CPSF3: variants seen among roughly 807,000 people sequenced by gnomAD.
CPSF3 encodes the protein cleavage and polyadenylation specific factor 3.
Under a neutral mutation model 84.1 loss-of-function variants are expected in CPSF3, and 57 were observed. That is an observed-to-expected ratio of 0.68 (90% CI 0.55 to 0.85). The LOEUF (loss-of-function observed/expected upper bound fraction) is 0.85. Among genes scored for constraint, CPSF3 ranks in the 40% least tolerant of loss-of-function variants. The pLI is 0.00. For missense variants in CPSF3, 522 were observed against 838.8 expected (o/e 0.62, Z 4.66); for synonymous variants, 275 against 278.1 (o/e 0.99, Z 0.11).
chr2:9,459,638 CTTTTTTTTTTTTTTTTT>C lies in CPSF3; in HGVS notation c.1786+32_1786+48del, dbSNP rs543727439. ...GAAAAGGTAAGAGTTCATTTTTATC[CTTTTTTTTTTTTTTTTT>C]TTTTTTTTTTTGGAGACGGATACTA... is the stretch of plus-strand genomic sequence containing the variant. On this transcript the variant is annotated intron_variant, in intron 15 of 17. Transcript: ENST00000238112. 1,922 of 310,492 alleles carry C rather than the reference CTTTTTTTTTTTTTTTTT, an allele frequency of 6.2e-3. 22 individuals carry two copies. The highest frequency in any genetic ancestry group is 9.2e-3 in the Non-Finnish European group (1,680 of 181,686). The allele number at this position is 310,492 out of a possible 1,614,324, so 19.2% of individuals were successfully genotyped here.
At position 9,452,879 on chromosome 2, in the gene CPSF3, G is replaced by A. The variant is rs1279084402; in HGVS notation, c.1396-34G>A. 1.2e-5 allele frequency: 17 copies of A among 1,422,742 alleles called. No individual in the cohort carries two copies. The African/African-American group carries it at 1.7e-4, about 14-fold the overall frequency. 88.1% of individuals were successfully genotyped at this position (1,422,742 alleles called of 1,614,324 possible). ...TTACCTGAAAAACTGCATTTTACCA[G>A]GTTCTATTTTCTTCAAGTATTTTTT... On this transcript the variant is annotated intron_variant, in intron 11 of 17. Transcript: ENST00000238112.
chr2:9,429,598 A>G (rs1444858585), intron 2 of CPSF3, among the ~76,000 whole-genome samples: 3 of 152,296 alleles, frequency 2.0e-5, no homozygotes, highest in Admixed American at 6.5e-5. Context: ...GTAAATCTAT[A>G]AACTTTTAAA....
intron 15 of CPSF3, among the ~76,000 whole-genome samples, chr2:9,463,220 A>G (rs985682437): frequency 1.4e-4 from 22 of 152,202 alleles, no homozygotes; most frequent in African/African-American, 5.3e-4. Context: ...AAATGAGGCT[A>G]TGCTGCAGAG....
At chr2:9,433,365 C>G (rs768062940) in intron 5 of CPSF3, among the ~76,000 whole-genome samples, 6 of 152,228 alleles carry the variant, frequency 3.9e-5, no homozygotes, top group Admixed American at 6.5e-5. Context: ...AAATTTTTCA[C>G]AGCTGCTTAT....
At chr2:9,449,036 A>C (rs1166844005) in intron 11 of CPSF3, among the ~76,000 whole-genome samples, 1 of 152,082 alleles carries the variant, frequency 6.6e-6, no homozygotes, top group Non-Finnish European at 1.5e-5. Context: ...ATATCTCTAA[A>C]CATATATGTT....
chr2:9,428,262 G>T (rs1418527316), intron 1 of CPSF3, among the ~76,000 whole-genome samples: 1 of 151,878 alleles, frequency 6.6e-6, no homozygotes, highest in Non-Finnish European at 1.5e-5. Flanking sequence ...CTCCCAAAGT[G>T]CTGGGATTAC....
At chr2:9,457,762 T>C (rs1681581104) in intron 14 of CPSF3, among the ~76,000 whole-genome samples, 1 of 152,058 alleles carries the variant, frequency 6.6e-6, no homozygotes, top group Non-Finnish European at 1.5e-5. Flanking sequence ...ATTTTTTTTT[T>C]CTTTTTTTGA....
intron 15 of CPSF3, among the ~76,000 whole-genome samples, chr2:9,466,401 C>T (rs1044987772): frequency 6.7e-6 from 1 of 148,458 alleles, no homozygotes; most frequent in Non-Finnish European, 1.5e-5. Context: ...CGCACACACA[C>T]GCACGCGCAC....
intron 15 of CPSF3, among the ~76,000 whole-genome samples, chr2:9,462,462 C>T (rs1295912289): frequency 4.6e-5 from 7 of 152,148 alleles, no homozygotes; most frequent in Non-Finnish European, 8.8e-5. Flanking sequence ...CTGAGCTCTG[C>T]CAGCCTGTTT....
At chr2:9,472,858 C>A (rs1375425582) in intron 17 of CPSF3, 58 bp from the exon 18 acceptor site, 18 of 1,140,380 alleles carry the variant, frequency 1.6e-5, no homozygotes, top group Non-Finnish European at 2.2e-5. Context: ...ATTCATTTAT[C>A]TTCTATATAA....
intron 14 of CPSF3, 148 bp downstream of exon 14, chr2:9,457,175 G>GTGTA (rs751123972): frequency 8.4e-6 from 4 of 478,822 alleles, no homozygotes; most frequent in Non-Finnish European, 3.7e-6. Flanking sequence ...GTGTGTGTGT[G>GTGTA]TGTGTGTGTG....
intron 7 of CPSF3, among the ~76,000 whole-genome samples, 155 bp from the exon 8 acceptor site, chr2:9,440,336 C>T (rs995528881): frequency 1.3e-5 from 2 of 152,120 alleles, no homozygotes; most frequent in Non-Finnish European, 2.9e-5. Flanking sequence ...TTAGTTACAA[C>T]CAGGATAATT....
chr2:9,458,654 G>C (rs1057128246), intron 14 of CPSF3, among the ~76,000 whole-genome samples: 1 of 151,726 alleles, frequency 6.6e-6, no homozygotes, highest in Non-Finnish European at 1.5e-5. Context: ...AATACAGCAA[G>C]ACCCTGCCTC....
chr2:9,453,070 G>A, intron 12 of CPSF3, 49 bp downstream of exon 12: 1 of 1,111,778 alleles, frequency 9.0e-7, no homozygotes, highest in Admixed American at 2.7e-5. Context: ...AGCACTGAAA[G>A]AAAATCTATG....
rs1288216008 is a variant in CPSF3 at position 9,471,519 on chromosome 2, A to AAC, written c.1953+82_1953+83dup. ...ATAAATAATCTGTGCTCTCACACTC[A>AAC]ACAGTCTACTGTTGCATATTGGCAT... On this transcript the variant is annotated intron_variant, in intron 17 of 17. Coordinates refer to ENST00000238112, the MANE Select transcript of CPSF3 (RefSeq NM_016207.4). 9 of 853,384 alleles carry AAC rather than the reference A, an allele frequency of 1.1e-5. No individual in the cohort carries two copies. In the African/African-American group the frequency reaches 1.3e-4, roughly 13 times the overall value. The allele number at this position is 853,384 out of a possible 1,614,324, so 52.9% of individuals were successfully genotyped here. A position where few individuals can be genotyped will look rare whatever the true frequency, so the allele number is the denominator to read the frequency against.
intron 17 of CPSF3, among the ~76,000 whole-genome samples, chr2:9,472,614 G>A (rs1294960691): frequency 1.3e-5 from 2 of 152,112 alleles, no homozygotes; most frequent in Non-Finnish European, 2.9e-5. Flanking sequence ...TCTGTTTCAT[G>A]GTAATCAGTC....
chr2:9,462,689 C>G (rs773456691), intron 15 of CPSF3, among the ~76,000 whole-genome samples: 40 of 152,168 alleles, frequency 2.6e-4, no homozygotes, highest in Non-Finnish European at 8.8e-5. Flanking sequence ...TGCTCCGGTC[C>G]AAAATGAAAT....
Position 9,471,452 on chromosome 2 carries a change from T to C in CPSF3, c.1953+13T>C, listed in dbSNP as rs781682871. ...CTTGGAGACACGGGTATGTAGCTGC[T>C]CTTTCCTACGTTTCAAGACATTTGG... On this transcript the variant is annotated intron_variant, in intron 17 of 17. Transcript: ENST00000238112. 8 of 1,476,884 alleles carry C rather than the reference T, an allele frequency of 5.4e-6. No homozygotes were observed. Among genetic ancestry groups the C allele is most frequent in the Non-Finnish European group, 7.6e-6 (8 of 1,055,174 alleles). 91.5% of individuals were successfully genotyped at this position (1,476,884 alleles called of 1,614,324 possible).
chr2:9,456,432 TG>T, intron 13 of CPSF3, among the ~76,000 whole-genome samples: 1 of 152,324 alleles, frequency 6.6e-6, no homozygotes, highest in East Asian at 1.9e-4. Flanking sequence ...TTTTAAACCT[TG>T]GAACCTTGCA....
Sources: allele counts gnomAD v4.1 joint callset (sites outside exome capture counted in the v4.1 genomes callset), GRCh38; gene constraint gnomAD v4.1.1; transcripts MANE v1.5; gene names NCBI Gene and HGNC (gene_info 2026-07-23, HGNC 2026-07-21).